Variants in FKBP6 observed in about 807,000 individuals in gnomAD.
FKBP6 encodes FKBP prolyl isomerase family member 6 (inactive).
FKBP6 carries 29 observed loss-of-function variants against 41.7 expected under a neutral mutation model. The observed-to-expected ratio is 0.70, with a 90% confidence interval of 0.52 to 0.95. The LOEUF (loss-of-function observed/expected upper bound fraction) is 0.95. FKBP6 is among the 40% of genes least tolerant of loss of function. The pLI is 0.00. For missense variants in FKBP6, 338 were observed against 408.7 expected (o/e 0.83, Z 1.49); for synonymous variants, 130 against 165.1 (o/e 0.79, Z 1.63).
At chr7:73,346,260 C>T (rs1350589834) in intron 8 of FKBP6, among the ~76,000 whole-genome samples, 2 of 152,250 alleles carry the variant, frequency 1.3e-5, no homozygotes, top group Non-Finnish European at 2.9e-5. Context: ...CGCCTTCACA[C>T]TGTCTCCTGC....
intron 5 of FKBP6, among the ~76,000 whole-genome samples, chr7:73,339,977 G>A (rs1805124419): frequency 6.6e-6 from 1 of 152,176 alleles, no homozygotes. Flanking sequence ...TTTTGGTAGG[G>A]TTGCATGAAT....
chr7:73,342,975 G>T, intron 8 of FKBP6, 76 bp downstream of exon 8: 2 of 996,630 alleles, frequency 2.0e-6, no homozygotes, highest in Non-Finnish European at 3.2e-6. Flanking sequence ...CCAAGTGAAT[G>T]GTGGCTGTCT....
chr7:73,340,825 GTGGACAGGTGAGT>G lies in FKBP6; in HGVS notation c.781_783+10del. On this transcript the variant is annotated splice_donor_variant and splice_donor_5th_base_variant and coding_sequence_variant and intron_variant, in exon 6 of 9. Coordinates refer to ENST00000252037, the MANE Select transcript of FKBP6 (RefSeq NM_003602.5). LOFTEE classifies it high-confidence loss of function. ...AAGAATGCCAAGGCCCTCTTCAGGT[GTGGACAGGTGAGT>G]TGGAAGCCAGTGACTTGGGAATAAA... 6.2e-7 allele frequency: 1 copy of G among 1,613,118 alleles called. No homozygotes were observed. Among genetic ancestry groups the G allele is most frequent in the Non-Finnish European group, 8.5e-7 (1 of 1,179,386 alleles).
intron 6 of FKBP6, 57 bp downstream of exon 6, chr7:73,340,889 C>A: frequency 9.3e-7 from 1 of 1,078,818 alleles, no homozygotes; most frequent in Non-Finnish European, 1.4e-6. Flanking sequence ...AGTAGCAGTG[C>A]TCAACTCAGC....
Position 73,331,735 on chromosome 7 carries a change from C to A in FKBP6, c.547C>A (p.Arg183Ser), listed in dbSNP as rs147213094. 8 of 1,613,236 alleles carry A rather than the reference C, an allele frequency of 5.0e-6. No homozygotes were observed. In the African/African-American group the frequency reaches 1.1e-4, roughly 22 times the overall value. The stretch of plus-strand genomic sequence containing the variant: ...ACGGGAGTTTGGCAACTACCTTTTC[C>A]GCCAGAATCGTTTCTATGATGCCAA... ...TEREFGNYLFRQNRFYDAKVR... is the reference protein window; with the variant it reads ...TEREFGNYLFSQNRFYDAKVR... Residue 183 changes from arginine (R) to serine (S), a missense_variant, in exon 5 of 9, where the codon CGC becomes AGC. Physicochemically the swap from Arg to Ser is moderately radical, Grantham distance 110 (BLOSUM62 -1). Around this residue, in one of 2 missense-constraint regions of FKBP6, gnomAD observed 239 missense variants for 250.1 expected, o/e 0.96. Coordinates refer to ENST00000252037, the MANE Select transcript of FKBP6 (RefSeq NM_003602.5).
chr7:73,340,792 T>C lies in FKBP6; in HGVS notation c.743T>C (p.Ile248Thr), dbSNP rs1368313481. The change falls in exon 6 of 9, where the codon ATT becomes ACT. Residue 248 changes from isoleucine to threonine, a missense_variant. Ile to Thr is a moderately conservative substitution (Grantham distance 89). This residue lies in a region of FKBP6 where 239 missense variants were observed against 250.1 expected (regional missense o/e 0.96). Coordinates refer to ENST00000252037, the MANE Select transcript of FKBP6 (RefSeq NM_003602.5). ...TGCTATGGAGAGCAGGCTTTGATCA[T>C]TGACCAAAAGAATGCCAAGGCCCTC... ...ALCYGEQALI[I>T]DQKNAKALFR... 1.9e-6 allele frequency: 3 copies of C among 1,613,908 alleles called. No individual in the cohort carries two copies. The highest frequency in any genetic ancestry group is 2.5e-6 in the Non-Finnish European group (3 of 1,180,004).
At chr7:73,347,138 T>C (rs1401704458) in intron 8 of FKBP6, among the ~76,000 whole-genome samples, 1 of 152,236 alleles carries the variant, frequency 6.6e-6, no homozygotes. Flanking sequence ...ATAACATTTT[T>C]CTTCTAGGTT....
intron 8 of FKBP6, among the ~76,000 whole-genome samples, chr7:73,349,131 C>G (rs1207449041): frequency 6.6e-6 from 1 of 151,992 alleles, no homozygotes; most frequent in African/African-American, 2.4e-5. Context: ...AAAGGGTGGC[C>G]AGGTAGGGTG....
chr7:73,342,220 AC>A (rs1205679982), intron 7 of FKBP6, among the ~76,000 whole-genome samples: 2 of 152,148 alleles, frequency 1.3e-5, no homozygotes, highest in African/African-American at 4.8e-5. Context: ...GAAAATGTCT[AC>A]CTATAAATAG....
chr7:73,350,478 G>A (rs547762263), intron 8 of FKBP6, among the ~76,000 whole-genome samples: 2 of 152,232 alleles, frequency 1.3e-5, no homozygotes, highest in Admixed American at 1.3e-4. Context: ...TTCAGGTGGT[G>A]CGTGACCCCG....
rs200493820 is a variant in FKBP6, at chr7:73,330,243, C to T, written c.359C>T (p.Thr120Met). Residue 120 changes from threonine to methionine, a missense_variant, in exon 4 of 9, where the codon ACG (threonine) becomes ATG (methionine). Around this residue, in one of 2 missense-constraint regions of FKBP6, gnomAD observed 99 missense variants for 158.6 expected, o/e 0.62. Coordinates refer to ENST00000252037, the MANE Select transcript of FKBP6 (RefSeq NM_003602.5). The stretch of plus-strand genomic sequence containing the variant: ...TTCAAACCGAACTACGCCTATGGAA[C>T]GCTGGGCTGCCCTCCCTTGATCCCC... Reference protein sequence around the residue: ...FLFKPNYAYGTLGCPPLIPPN... With the variant: ...FLFKPNYAYGMLGCPPLIPPN... 2.0e-4 allele frequency: 320 copies of T among 1,613,842 alleles called. No homozygotes were observed. Among genetic ancestry groups the T allele is most frequent in the Non-Finnish European group, 2.4e-4 (282 of 1,179,878 alleles).
intron 8 of FKBP6, among the ~76,000 whole-genome samples, chr7:73,349,546 CAAAAAA>C (rs1175280907): frequency 2.3e-4 from 11 of 48,690 alleles, no homozygotes; most frequent in South Asian, 6.5e-4. Flanking sequence ...TACTAAAATA[CAAAAAA>C]AAAAAAAAAA....
Position 73,342,903 on chromosome 7 carries a change from A to G in FKBP6, c.*2+4A>G, listed in dbSNP as rs782718971. 4.4e-6 allele frequency: 7 copies of G among 1,603,984 alleles called. No individual in the cohort carries two copies. The Middle Eastern group carries it at 5.0e-4, about 114-fold the overall frequency. On this transcript the variant is annotated splice_donor_region_variant and intron_variant, in intron 8 of 8. Transcript: ENST00000252037. ...CTACAGCAGGAGAAAGTTGAAGGTA[A>G]TCAAAGGGCCAGGGTGGCACACAGG...
intron 8 of FKBP6, among the ~76,000 whole-genome samples, chr7:73,356,235 G>T (rs1263208072): frequency 6.6e-6 from 1 of 152,132 alleles, no homozygotes; most frequent in Non-Finnish European, 1.5e-5. Context: ...ATTCCATCCT[G>T]TCAGGATATG....
At chr7:73,342,067 CAT>C (rs1293652969) in intron 7 of FKBP6, among the ~76,000 whole-genome samples, 1 of 152,034 alleles carries the variant, frequency 6.6e-6, no homozygotes, top group Non-Finnish European at 1.5e-5. Context: ...CGTAGGTCCT[CAT>C]GTGACCAGAA....
intron 2 of FKBP6, 25 bp downstream of exon 2, chr7:73,328,717 C>T (rs1554546895): frequency 1.2e-6 from 2 of 1,611,992 alleles, no homozygotes; most frequent in South Asian, 1.1e-5. Context: ...GGTTTGTCCT[C>T]AGGATCCATG....
At chr7:73,346,706 C>T (rs1381860719) in intron 8 of FKBP6, among the ~76,000 whole-genome samples, 1 of 152,128 alleles carries the variant, frequency 6.6e-6, no homozygotes, top group Non-Finnish European at 1.5e-5. Flanking sequence ...TGATGGCAGC[C>T]TGGACGTGAA....
chr7:73,357,351 C>T (rs534032329), intron 8 of FKBP6, among the ~76,000 whole-genome samples: 72 of 149,178 alleles, frequency 4.8e-4, no homozygotes, highest in African/African-American at 1.3e-3. Flanking sequence ...CTCTGCCTCC[C>T]GGGTATAAGC....
intron 8 of FKBP6, among the ~76,000 whole-genome samples, chr7:73,348,156 T>C (rs1805386097): frequency 6.6e-6 from 1 of 152,112 alleles, no homozygotes; most frequent in African/African-American, 2.4e-5. Context: ...TGGACCTCCT[T>C]CTATTCTGTC....
Sources: gnomAD v4.1 joint callset for allele counts (sites outside exome capture counted in the v4.1 genomes callset) on GRCh38, gnomAD v4.1.1 for gene constraint, gnomAD v4.1.1 regional missense constraint, MANE v1.5 for transcripts, NCBI Gene and HGNC (gene_info 2026-07-23, HGNC 2026-07-21) for gene names.